The following ZEB1 variants were observed in gnomAD, a reference collection of about 807,000 sequenced individuals.
ZEB1 encodes zinc finger E-box binding homeobox 1, also known as zinc finger E-box-binding homeobox 1.
Under a neutral mutation model 84.9 loss-of-function variants are expected in ZEB1, and 21 were observed. That is an observed-to-expected ratio of 0.25 (90% CI 0.18 to 0.36). ZEB1 has a LOEUF of 0.36. Ranked by LOEUF, ZEB1 falls within the 10% of genes least tolerant of loss-of-function variation. The pLI is 1.00. For missense variants in ZEB1, 1,104 were observed against 1,330.2 expected (o/e 0.83, Z 2.65); for synonymous variants, 420 against 471.1 (o/e 0.89, Z 1.41).
chr10:31,466,238 A>G (rs1477981868), intron 2 of ZEB1, among the ~76,000 whole-genome samples: 1 of 152,238 alleles, frequency 6.6e-6, no homozygotes, highest in Non-Finnish European at 1.5e-5. Context: ...ATAAAGAAAC[A>G]GTGGATTTGA....
chr10:31,467,557 C>T (rs2062599131), intron 2 of ZEB1, among the ~76,000 whole-genome samples: 2 of 152,178 alleles, frequency 1.3e-5, no homozygotes, highest in Admixed American at 1.3e-4. Flanking sequence ...CATTGCCCCA[C>T]CTGAGTGGTT....
chr10:31,319,168 G>A, upstream of ZEB1: 10 of 1,128,712 alleles, frequency 8.9e-6, no homozygotes, highest in South Asian at 5.3e-5. Context: ...GGAGGCGGAG[G>A]GGTGGGGGGG....
At chr10:31,387,367 C>T (rs539073243) in intron 1 of ZEB1, 29 of 944,262 alleles carry the variant, frequency 3.1e-5, no homozygotes, top group Middle Eastern at 5.5e-4. Flanking sequence ...CAGACGTTCG[C>T]ACAGAAGGGA....
chr10:31,461,913 T>A (rs1240047015), intron 2 of ZEB1, among the ~76,000 whole-genome samples: 2 of 152,162 alleles, frequency 1.3e-5, no homozygotes, highest in African/African-American at 4.8e-5. Flanking sequence ...TTATTTAGCC[T>A]GTCTTGCCAG....
At chr10:31,437,081 C>T (rs1302021672) in intron 1 of ZEB1, among the ~76,000 whole-genome samples, 2 of 152,040 alleles carry the variant, frequency 1.3e-5, no homozygotes, top group Non-Finnish European at 2.9e-5. Context: ...AACTTCCCAA[C>T]AATATATTTT....
chr10:31,395,474 A>C (rs2050547157), intron 1 of ZEB1, among the ~76,000 whole-genome samples: 1 of 152,184 alleles, frequency 6.6e-6, no homozygotes, highest in African/African-American at 2.4e-5. Flanking sequence ...CTTTAGCACA[A>C]TAAAGACACC....
At chr10:31,493,378 G>A (rs762444191) in intron 2 of ZEB1, among the ~76,000 whole-genome samples, 4 of 151,742 alleles carry the variant, frequency 2.6e-5, no homozygotes, top group Non-Finnish European at 4.4e-5. Context: ...AAAAAACAAA[G>A]TCTTACTACT....
At chr10:31,420,715 G>A (rs527711440) in intron 1 of ZEB1, among the ~76,000 whole-genome samples, 12 of 152,228 alleles carry the variant, frequency 7.9e-5, no homozygotes, top group Non-Finnish European at 1.3e-4. Flanking sequence ...TATACTCAAG[G>A]GAAGGGGATG....
chr10:31,344,403 TTAAA>T (rs1295413983), intron 1 of ZEB1, among the ~76,000 whole-genome samples: 52 of 151,986 alleles, frequency 3.4e-4, no homozygotes, highest in African/African-American at 1.2e-3. Flanking sequence ...ATAAATATAC[TTAAA>T]TAAGTATTTA....
At chr10:31,404,579 GTT>G (rs2052626446) in intron 1 of ZEB1, among the ~76,000 whole-genome samples, 1 of 152,008 alleles carries the variant, frequency 6.6e-6, no homozygotes, top group African/African-American at 2.4e-5. Flanking sequence ...TCACTTTATA[GTT>G]TTCTAGGAAG....
chr10:31,514,506 C>CTGAT (rs901101446), intron 5 of ZEB1, 97 bp from the exon 6 acceptor site: 45 of 1,070,720 alleles, frequency 4.2e-5, no homozygotes, highest in Admixed American at 3.0e-4. Context: ...ACAAAACAAC[C>CTGAT]ATCAGGCTCA....
chr10:31,319,145 AGG>A, upstream of ZEB1: 2 of 296,388 alleles, frequency 6.7e-6, no homozygotes, highest in East Asian at 3.0e-4. Flanking sequence ...TGCGGTGGGG[AGG>A]GGGGAGGGGT....
At chr10:31,380,439 A>G (rs1304729091) in intron 1 of ZEB1, among the ~76,000 whole-genome samples, 2 of 152,182 alleles carry the variant, frequency 1.3e-5, no homozygotes, top group East Asian at 1.9e-4. Context: ...CAAGGAGCAT[A>G]TAATGTCTGC....
chr10:31,526,594 T>TG, intron 8 of ZEB1, 78 bp from the exon 9 acceptor site: 1 of 1,553,470 alleles, frequency 6.4e-7, no homozygotes, highest in Non-Finnish European at 8.7e-7. Flanking sequence ...TTCTACAACA[T>TG]GAAGTACCCC....
intron 1 of ZEB1, among the ~76,000 whole-genome samples, chr10:31,331,993 T>C (rs141599184): frequency 4.9e-4 from 75 of 152,332 alleles, no homozygotes; most frequent in African/African-American, 1.8e-3. Flanking sequence ...TATAATATTA[T>C]GTTTCTTTAT....
intron 2 of ZEB1, among the ~76,000 whole-genome samples, chr10:31,472,212 A>T (rs1171528309): frequency 1.3e-5 from 2 of 151,950 alleles, no homozygotes; most frequent in African/African-American, 4.8e-5. Context: ...AACTAAAATC[A>T]GAGCAGAACT....
At chr10:31,454,909 C>T (rs1054164630) in intron 1 of ZEB1, among the ~76,000 whole-genome samples, 4 of 152,168 alleles carry the variant, frequency 2.6e-5, no homozygotes, top group African/African-American at 9.7e-5. Flanking sequence ...TTGGAAAAAT[C>T]TACTTTAAAC....
chr10:31,330,418 T>A (rs934738437), intron 1 of ZEB1, among the ~76,000 whole-genome samples: 13 of 152,296 alleles, frequency 8.5e-5, no homozygotes, highest in African/African-American at 3.1e-4. Flanking sequence ...AAATATACTT[T>A]ATTGAGGATA....
chr10:31,419,713 T>A (rs947433747), intron 1 of ZEB1, among the ~76,000 whole-genome samples: 2 of 152,226 alleles, frequency 1.3e-5, no homozygotes, highest in Non-Finnish European at 2.9e-5. Flanking sequence ...CATAAAACTT[T>A]AGATATTTTG....
Sources: allele counts gnomAD v4.1 joint callset (sites outside exome capture counted in the v4.1 genomes callset), GRCh38; gene constraint gnomAD v4.1.1; transcripts MANE v1.5; gene names NCBI Gene and HGNC (gene_info 2026-07-23, HGNC 2026-07-21).